The following UPP2 variants were observed in gnomAD, a reference collection of about 807,000 sequenced individuals.
The protein encoded by UPP2 is UPase 2.
Under a neutral mutation model 26.7 loss-of-function variants are expected in UPP2, and 23 were observed. The observed-to-expected ratio is 0.86, with a 90% CI of 0.62 to 1.22. The LOEUF is 1.22. Among genes scored for constraint, UPP2 ranks in the 50% most tolerant of loss-of-function variants. The pLI is 0.00. For missense variants in UPP2, 387 were observed against 396.7 expected (o/e 0.98, Z 0.21); for synonymous variants, 127 against 141.3 (o/e 0.90, Z 0.72).
intron 2 of UPP2, among the ~76,000 whole-genome samples, chr2:158,002,612 G>T (rs1683426654): frequency 6.6e-6 from 1 of 152,280 alleles, no homozygotes; most frequent in South Asian, 2.1e-4. Context: ...GGGGTGGTTT[G>T]AGGATTTGGG....
intron 3 of UPP2, among the ~76,000 whole-genome samples, chr2:158,042,616 T>C (rs999969960): frequency 2.6e-5 from 4 of 152,234 alleles, no homozygotes; most frequent in African/African-American, 9.6e-5. Context: ...ATGGAATTAC[T>C]TCTAGTTTCT....
intron 6 of UPP2, among the ~76,000 whole-genome samples, chr2:158,126,156 G>C (rs1683689029): frequency 6.6e-6 from 1 of 152,148 alleles, no homozygotes; most frequent in African/African-American, 2.4e-5. Flanking sequence ...GTTATTCTAA[G>C]AGCCTTTCTG....
chr2:158,101,897 A>C lies in UPP2; in HGVS notation c.-167A>C. On this transcript the variant is annotated 5_prime_UTR_variant, in exon 1 of 7. Coordinates refer to ENST00000005756, the MANE Select transcript of UPP2 (RefSeq NM_173355.4). ...TTTGATAGGAAAATTTAAAATGCTA[A>C]AGGAAAAATTTTCTTAGCAATTTCA... The C allele has an allele frequency of 7.4e-7, 1 of 1,353,094 alleles. No individual in the cohort carries two copies. Among genetic ancestry groups the C allele is most frequent in the Non-Finnish European group, 9.5e-7 (1 of 1,055,734 alleles). The allele number at this position is 1,353,094 out of a possible 1,614,324, so 83.8% of individuals were successfully genotyped here.
Position 158,134,834 on chromosome 2 carries a change from C to T in UPP2, c.898C>T (p.Arg300Trp), listed in dbSNP as rs144945330. The change falls in exon 7 of 7, where the codon CGG becomes TGG. Residue 300 changes from arginine (R) to tryptophan (W), a missense_variant. Coordinates refer to ENST00000005756, the MANE Select transcript of UPP2 (RefSeq NM_173355.4). ...PHDVLVEYQQRPQLLISNFIR... is the reference protein window; with the variant it reads ...PHDVLVEYQQWPQLLISNFIR... Reference sequence around the variant, plus strand: ...TGATGTCCTGGTGGAGTACCAGCAACGGCCTCAGCTCCTAATCTCCAACTT... The same window carrying T: ...TGATGTCCTGGTGGAGTACCAGCAATGGCCTCAGCTCCTAATCTCCAACTT... 9.6e-4 allele frequency: 1,557 copies of T among 1,613,560 alleles called. 1 individual carries two copies. The highest frequency in any genetic ancestry group is 1.1e-3 in the Non-Finnish European group (1,328 of 1,179,710).
At chr2:157,999,309 G>A (rs553425442) in intron 2 of UPP2, among the ~76,000 whole-genome samples, 1 of 152,224 alleles carries the variant, frequency 6.6e-6, no homozygotes, top group African/African-American at 2.4e-5. Context: ...CTCCCAAGTA[G>A]CTGGGATTAC....
intron 3 of UPP2, among the ~76,000 whole-genome samples, chr2:158,024,295 C>G (rs1039343846): frequency 2.6e-5 from 4 of 152,210 alleles, no homozygotes; most frequent in African/African-American, 7.2e-5. Context: ...TTTCTTTCAA[C>G]TAACCCACTG....
At chr2:158,099,201 T>C (rs1344141976), upstream of UPP2, among the ~76,000 whole-genome samples, 1 of 152,226 alleles carries the variant, frequency 6.6e-6, no homozygotes, top group Non-Finnish European at 1.5e-5. Flanking sequence ...CATGCCTTTA[T>C]CTTCAGCACT....
At chr2:158,032,426 G>A (rs1474477336) in intron 3 of UPP2, among the ~76,000 whole-genome samples, 1 of 152,106 alleles carries the variant, frequency 6.6e-6, no homozygotes. Flanking sequence ...TTACCTCTGA[G>A]GGGCCTGTGG....
chr2:158,031,372 T>C (rs768050930), intron 3 of UPP2, among the ~76,000 whole-genome samples: 6 of 152,230 alleles, frequency 3.9e-5, no homozygotes, highest in African/African-American at 7.2e-5. Flanking sequence ...CATTGCTTGG[T>C]ATGTTGAGGG....
chr2:158,129,900 G>A (rs1042864123), intron 6 of UPP2, among the ~76,000 whole-genome samples: 6 of 151,986 alleles, frequency 3.9e-5, no homozygotes, highest in African/African-American at 1.2e-4. Flanking sequence ...AGAGTAGCTG[G>A]GACCACAGGT....
chr2:158,060,089 T>A (rs1366857520), intron 3 of UPP2, among the ~76,000 whole-genome samples: 3 of 152,118 alleles, frequency 2.0e-5, no homozygotes, highest in Non-Finnish European at 4.4e-5. Context: ...TGTGCGTGCA[T>A]GCATGTGTGT....
chr2:158,053,756 C>T (rs117670839), intron 3 of UPP2, among the ~76,000 whole-genome samples: 1 of 152,186 alleles, frequency 6.6e-6, no homozygotes, highest in Non-Finnish European at 1.5e-5. Context: ...ATGTCTCACA[C>T]ATTACCATAG....
chr2:158,089,061 T>C (rs1682863640), intron 3 of UPP2, among the ~76,000 whole-genome samples: 1 of 152,014 alleles, frequency 6.6e-6, no homozygotes, highest in Non-Finnish European at 1.5e-5. Context: ...GATTATGTCC[T>C]TTGTCTTTGG....
intron 2 of UPP2, among the ~76,000 whole-genome samples, chr2:157,998,182 T>G (rs1006715734): frequency 5.9e-5 from 9 of 152,076 alleles, no homozygotes; most frequent in Non-Finnish European, 1.0e-4. Context: ...TAGTCTACAT[T>G]TAATGGGGAT....
chr2:158,014,648 C>G (rs996375735), intron 2 of UPP2, among the ~76,000 whole-genome samples: 2 of 152,142 alleles, frequency 1.3e-5, no homozygotes, highest in Non-Finnish European at 2.9e-5. Flanking sequence ...CAACATAAAA[C>G]CAAGCAATGA....
At chr2:158,031,848 T>C (rs1234286613) in intron 3 of UPP2, among the ~76,000 whole-genome samples, 1 of 152,212 alleles carries the variant, frequency 6.6e-6, no homozygotes, top group East Asian at 1.9e-4. Context: ...ATACTAGCGT[T>C]CTTTCTTTAG....
At chr2:158,092,673 A>T (rs903734494) in intron 3 of UPP2, among the ~76,000 whole-genome samples, 2 of 152,246 alleles carry the variant, frequency 1.3e-5, no homozygotes, top group Non-Finnish European at 2.9e-5. Flanking sequence ...TTAACTATCA[A>T]CAAAGTGGTA....
intron 6 of UPP2, chr2:158,126,466 C>CT (rs1683696568): frequency 6.6e-6 from 1 of 152,200 alleles, no homozygotes; most frequent in Non-Finnish European, 1.5e-5. Context: ...GCCAGCGGCT[C>CT]TTTATCTCCC....
intron 3 of UPP2, among the ~76,000 whole-genome samples, chr2:158,072,205 G>T (rs1682554043): frequency 1.3e-5 from 2 of 152,196 alleles, no homozygotes; most frequent in African/African-American, 4.8e-5. Flanking sequence ...CTCCCTGCAA[G>T]CCAGTGGTGG....
Sources: allele counts gnomAD v4.1 joint callset (sites outside exome capture counted in the v4.1 genomes callset), GRCh38; gene constraint gnomAD v4.1.1; transcripts MANE v1.5; gene names NCBI Gene and HGNC (gene_info 2026-07-23, HGNC 2026-07-21).